The following CCDC7 variants were observed in gnomAD, a reference collection of about 807,000 sequenced individuals.
CCDC7 encodes the protein coiled-coil domain-containing protein 7.
A neutral mutation model predicts 196.9 loss-of-function variants in CCDC7; 183 were observed. That is an observed-to-expected ratio of 0.93 (90% CI 0.82 to 1.05). The LOEUF is 1.05. CCDC7 is among the 50% of genes least tolerant of loss of function. CCDC7 has a pLI of 0.00. For missense variants in CCDC7, 1,540 were observed against 1,482.2 expected (o/e 1.04, Z -0.64); for synonymous variants, 525 against 484.6 (o/e 1.08, Z -1.10).
At chr10:32,847,764 A>AACTAAAAT in intron 37 of CCDC7, 69 bp from the exon 39 acceptor site, 1 of 943,182 alleles carries the variant, frequency 1.1e-6, no homozygotes. Flanking sequence ...AAGAAAAAAG[A>AACTAAAAT]ACTAAAATAC....
Position 32,573,845 on chromosome 10 carries a change from G to T in CCDC7, c.1454+1952G>T, listed in dbSNP as rs75801057. Among the ~76,000 whole-genome samples the T allele has an allele frequency of 3.3e-4, 50 of 152,232 alleles. No individual in the cohort carries two copies. The East Asian group carries it at 9.1e-3, about 28-fold the overall frequency. On this transcript the variant is annotated intron_variant, in intron 16 of 41. Coordinates refer to ENST00000639629, the Ensembl canonical transcript of CCDC7. ...TGACTGAGCATCTATGCTGTGCAAG[G>T]CACTGTGCTGGGTATTATGGGATAT... is the stretch of plus-strand genomic sequence containing the variant.
chr10:32,833,082 T>G (rs942583711), intron 32 of CCDC7, among the ~76,000 whole-genome samples: 1 of 152,092 alleles, frequency 6.6e-6, no homozygotes, highest in Non-Finnish European at 1.5e-5. Flanking sequence ...TTCTTTCTTT[T>G]CTCAGTTCTT....
At chr10:32,503,084 C>T (rs1347053185) in intron 9 of CCDC7, among the ~76,000 whole-genome samples, 1 of 152,118 alleles carries the variant, frequency 6.6e-6, no homozygotes, top group Non-Finnish European at 1.5e-5. Context: ...GAAAGTATAT[C>T]ATCTGGAAAC....
chr10:32,780,804 T>C lies in CCDC7; in HGVS notation c.3013+1720T>C, dbSNP rs183956043. On this transcript the variant is annotated intron_variant, in intron 29 of 41. Coordinates refer to ENST00000639629, the Ensembl canonical transcript of CCDC7. ...ATCAGTAATTATTTTAAATGCAAATTGATAAAACTCTTCACACAAAAGGCA... is the reference window on the plus strand; with the variant it reads ...ATCAGTAATTATTTTAAATGCAAATCGATAAAACTCTTCACACAAAAGGCA... 4.0e-4 allele frequency among the ~76,000 whole-genome samples: 61 copies of C among 152,276 alleles called. 1 individual carries two copies. Among genetic ancestry groups the C allele is most frequent in the African/African-American group, 1.4e-3 (60 of 41,564 alleles).
intron 24 of CCDC7, among the ~76,000 whole-genome samples, chr10:32,711,412 TA>T (rs1485153247): frequency 6.6e-6 from 1 of 152,138 alleles, no homozygotes; most frequent in Admixed American, 6.6e-5. Flanking sequence ...ATTTAATATC[TA>T]GGAATATTTA....
intron 28 of CCDC7, among the ~76,000 whole-genome samples, chr10:32,731,258 T>TAAAA (rs1180387244): frequency 1.3e-5 from 2 of 152,044 alleles, no homozygotes; most frequent in African/African-American, 4.8e-5. Flanking sequence ...TACTACAGAG[T>TAAAA]GATTTTGGTT....
At chr10:32,570,737 T>C (rs1013971435) in intron 15 of CCDC7, among the ~76,000 whole-genome samples, 9 of 152,204 alleles carry the variant, frequency 5.9e-5, no homozygotes, top group African/African-American at 2.2e-4. Flanking sequence ...TCACGTCCTA[T>C]TTGCTACATT....
intron 18 of CCDC7, among the ~76,000 whole-genome samples, chr10:32,597,722 T>A (rs973113646): frequency 2.6e-5 from 4 of 152,250 alleles, no homozygotes; most frequent in East Asian, 1.9e-4. Flanking sequence ...CCTTTCTGTT[T>A]GTTAGTTTTC....
At chr10:32,702,384 A>T (rs2078910042) in intron 24 of CCDC7, among the ~76,000 whole-genome samples, 1 of 152,108 alleles carries the variant, frequency 6.6e-6, no homozygotes, top group South Asian at 2.1e-4. Flanking sequence ...GGTCTGAGAG[A>T]CAGTTTGTTA....
chr10:32,674,770 C>T (rs141775219), intron 21 of CCDC7, among the ~76,000 whole-genome samples: 73 of 152,008 alleles, frequency 4.8e-4, no homozygotes, highest in African/African-American at 1.6e-3. Flanking sequence ...TTGTTATATA[C>T]ATATATATAT....
At chr10:32,681,660 C>A (rs1394864215) in intron 21 of CCDC7, among the ~76,000 whole-genome samples, 1 of 151,600 alleles carries the variant, frequency 6.6e-6, no homozygotes, top group Non-Finnish European at 1.5e-5. Context: ...GCCTTTGTAA[C>A]TGTCCATAAT....
chr10:32,697,701 C>T (rs1284900871), intron 24 of CCDC7, among the ~76,000 whole-genome samples: 3 of 152,194 alleles, frequency 2.0e-5, no homozygotes, highest in Non-Finnish European at 2.9e-5. Context: ...CCCACCGCAG[C>T]TCAACAAGGC....
At chr10:32,781,822 A>G (rs2081112946) in intron 29 of CCDC7, among the ~76,000 whole-genome samples, 2 of 152,252 alleles carry the variant, frequency 1.3e-5, no homozygotes, top group Non-Finnish European at 2.9e-5. Flanking sequence ...AATAGAAGAC[A>G]GGTAGATGAT....
intron 5 of CCDC7, among the ~76,000 whole-genome samples, chr10:32,464,005 T>C (rs1484546940): frequency 6.6e-6 from 1 of 152,174 alleles, no homozygotes; most frequent in African/African-American, 2.4e-5. Flanking sequence ...TGGAAATTCA[T>C]CTTGTCATCT....
intron 18 of CCDC7, among the ~76,000 whole-genome samples, chr10:32,609,418 AT>A (rs1372795866): frequency 1.3e-5 from 2 of 152,156 alleles, no homozygotes; most frequent in Non-Finnish European, 2.9e-5. Flanking sequence ...TGATATAGAT[AT>A]AGCTGTTCTT....
At chr10:32,878,631 C>T (rs755389431), downstream of CCDC7, among the ~76,000 whole-genome samples, 4 of 152,066 alleles carry the variant, frequency 2.6e-5, no homozygotes, top group Non-Finnish European at 5.9e-5. Context: ...GGTAAGGCTA[C>T]TCCCAGATTA....
chr10:32,833,308 T>C (rs1026189354), intron 32 of CCDC7, among the ~76,000 whole-genome samples: 1 of 151,380 alleles, frequency 6.6e-6, no homozygotes, highest in Non-Finnish European at 1.5e-5. Flanking sequence ...ATATTTGAAT[T>C]AGATGCTTTA....
chr10:32,654,520 G>T (rs757313283), intron 20 of CCDC7, among the ~76,000 whole-genome samples: 1 of 152,144 alleles, frequency 6.6e-6, no homozygotes, highest in African/African-American at 2.4e-5. Context: ...GACTAGTTTT[G>T]TAAAGTTTAT....
At chr10:32,491,236 G>A (rs58689637) in intron 8 of CCDC7, among the ~76,000 whole-genome samples, 13,423 of 152,024 alleles carry the variant, frequency 0.088, 861 homozygotes, top group East Asian at 0.33. Context: ...ACTCTTGTAT[G>A]CTTCTATATT....
Sources: allele counts gnomAD v4.1 joint callset (sites outside exome capture counted in the v4.1 genomes callset), GRCh38; gene constraint gnomAD v4.1.1; transcripts MANE v1.5; gene names NCBI Gene and HGNC (gene_info 2026-07-23, HGNC 2026-07-21).